SYT1: variants seen among roughly 807,000 people sequenced by gnomAD.
SYT1 encodes the protein synaptotagmin-1.
A neutral mutation model predicts 44.8 loss-of-function variants in SYT1; 8 were observed. The ratio of observed to expected loss-of-function variants is 0.18; its 90% CI spans 0.10 to 0.32. The LOEUF is 0.32. Ranked by LOEUF, SYT1 falls within the 10% of genes least tolerant of loss-of-function variation. SYT1 has a pLI of 1.00. For missense variants in SYT1, 286 were observed against 509.3 expected, an observed-to-expected ratio of 0.56 and a Z score of 4.22; for synonymous variants, 154 against 188.8, an observed-to-expected ratio of 0.82 and a Z score of 1.51.
chr12:79,192,208 T>C (rs1173509391), intron 3 of SYT1, among the ~76,000 whole-genome samples: 1 of 152,174 alleles, frequency 6.6e-6, no homozygotes, highest in Non-Finnish European at 1.5e-5. Flanking sequence ...GTGTGTGTTT[T>C]AGTGAAAAGA....
intron 1 of SYT1, among the ~76,000 whole-genome samples, chr12:78,971,394 A>T (rs1868379238): frequency 6.6e-6 from 1 of 152,240 alleles, no homozygotes; most frequent in Non-Finnish European, 1.5e-5. Flanking sequence ...CAGTTGAACA[A>T]AAACAGGTTG....
intron 3 of SYT1, among the ~76,000 whole-genome samples, chr12:79,061,014 T>C (rs1875341071): frequency 6.6e-6 from 1 of 152,114 alleles, no homozygotes; most frequent in African/African-American, 2.4e-5. Context: ...TTGACTGTTC[T>C]TCAGAAGATT....
intron 4 of SYT1, among the ~76,000 whole-genome samples, chr12:79,273,943 C>T (rs1346914679): frequency 6.6e-6 from 1 of 152,040 alleles, no homozygotes; most frequent in Non-Finnish European, 1.5e-5. Context: ...AATTAGCTGG[C>T]CGTGGTGGCA....
At chr12:79,345,609 T>C (rs989845566) in intron 8 of SYT1, among the ~76,000 whole-genome samples, 18 of 152,218 alleles carry the variant, frequency 1.2e-4, no homozygotes, top group African/African-American at 7.2e-5. Flanking sequence ...TCAGTCTTTC[T>C]AGCCTGAACA....
chr12:79,118,390 A>G (rs1879414651), intron 3 of SYT1, among the ~76,000 whole-genome samples: 2 of 152,218 alleles, frequency 1.3e-5, no homozygotes. Context: ...TTTCAAGTGT[A>G]ACATTAAGAA....
intron 4 of SYT1, among the ~76,000 whole-genome samples, chr12:79,231,295 G>A (rs965825932): frequency 4.6e-5 from 7 of 152,084 alleles, no homozygotes; most frequent in Admixed American, 1.3e-4. Context: ...CTGAGTCCAC[G>A]TGTCTCCCCA....
chr12:79,132,097 AAAAAT>A (rs1158508329), intron 3 of SYT1, among the ~76,000 whole-genome samples: 1 of 152,204 alleles, frequency 6.6e-6, no homozygotes, highest in African/African-American at 2.4e-5. Context: ...ACTAAACAGA[AAAAAT>A]AAAGGAATAA....
chr12:79,013,492 A>G (rs1871558774), intron 2 of SYT1, among the ~76,000 whole-genome samples: 1 of 152,188 alleles, frequency 6.6e-6, no homozygotes, highest in Non-Finnish European at 1.5e-5. Context: ...CAACTCTCTT[A>G]CAAGTAGATG....
intron 1 of SYT1, among the ~76,000 whole-genome samples, chr12:78,949,157 G>C (rs2137286907): frequency 6.6e-6 from 1 of 151,602 alleles, no homozygotes; most frequent in African/African-American, 2.4e-5. Context: ...ATACCTCTGA[G>C]CTAATATGAG....
At chr12:79,210,933 GT>G (rs573715825) in intron 3 of SYT1, among the ~76,000 whole-genome samples, 5,575 of 135,076 alleles carry the variant, frequency 0.041, 147 homozygotes, top group African/African-American at 0.11. Context: ...ACATTTTAAA[GT>G]TTTTTTTTTT....
chr12:79,252,265 T>C (rs954668341), intron 4 of SYT1, among the ~76,000 whole-genome samples: 1 of 152,166 alleles, frequency 6.6e-6, no homozygotes, highest in Admixed American at 6.6e-5. Context: ...AATGCATTAA[T>C]ATTAAAAATT....
intron 1 of SYT1, among the ~76,000 whole-genome samples, chr12:78,938,861 G>A (rs559943178): frequency 6.6e-5 from 10 of 152,272 alleles, no homozygotes; most frequent in Admixed American, 2.6e-4. Flanking sequence ...GGACAAAACC[G>A]ATTAGCAGAT....
intron 1 of SYT1, among the ~76,000 whole-genome samples, chr12:78,960,893 A>T (rs1361440739): frequency 6.6e-6 from 1 of 152,208 alleles, no homozygotes; most frequent in African/African-American, 2.4e-5. Flanking sequence ...ACTTTGGAGC[A>T]TACGGTAGAG....
chr12:79,084,001 C>T (rs1397298829), intron 3 of SYT1, among the ~76,000 whole-genome samples: 1 of 152,108 alleles, frequency 6.6e-6, no homozygotes, highest in Non-Finnish European at 1.5e-5. Context: ...AGGAGAGAGG[C>T]AGGTTGAGGG....
intron 3 of SYT1, among the ~76,000 whole-genome samples, chr12:79,187,658 T>TTTC (rs1288435252): frequency 1.3e-5 from 2 of 152,124 alleles, no homozygotes; most frequent in African/African-American, 4.8e-5. Context: ...TCATAAAAGA[T>TTTC]TAGTAGGAGC....
intron 4 of SYT1, among the ~76,000 whole-genome samples, chr12:79,251,604 C>G (rs1321913136): frequency 6.6e-6 from 1 of 152,114 alleles, no homozygotes; most frequent in Non-Finnish European, 1.5e-5. Context: ...AATGCATTGT[C>G]TGAGGTTTAT....
intron 1 of SYT1, among the ~76,000 whole-genome samples, chr12:78,869,473 C>T (rs1265503443): frequency 6.6e-6 from 1 of 151,864 alleles, no homozygotes. Context: ...GAAAACTTTT[C>T]TTTAAAGTGG....
At chr12:79,241,541 G>A (rs531866539) in intron 4 of SYT1, among the ~76,000 whole-genome samples, 4 of 152,230 alleles carry the variant, frequency 2.6e-5, no homozygotes, top group African/African-American at 9.6e-5. Context: ...TTACAGGCAT[G>A]AGCCACCATG....
chr12:79,311,266 A>G (rs1880771523), intron 8 of SYT1, among the ~76,000 whole-genome samples: 1 of 152,194 alleles, frequency 6.6e-6, no homozygotes, highest in South Asian at 2.1e-4. Flanking sequence ...CACATGAAAA[A>G]ATGCTCACCA....
Sources: gnomAD v4.1 joint callset for allele counts (sites outside exome capture counted in the v4.1 genomes callset) on GRCh38, gnomAD v4.1.1 for gene constraint, MANE v1.5 for transcripts, NCBI Gene and HGNC (gene_info 2026-07-23, HGNC 2026-07-21) for gene names.